SOX6: variants seen among roughly 807,000 people sequenced by gnomAD.
The protein encoded by SOX6 is SRY-box transcription factor 6.
Under a neutral mutation model 97.8 loss-of-function variants are expected in SOX6, and 11 were observed. The ratio of observed to expected loss-of-function variants is 0.11; its 90% CI spans 0.07 to 0.19. SOX6 has a LOEUF of 0.19. Among genes scored for constraint, SOX6 ranks in the 10% least tolerant of loss-of-function variants. The probability of loss-of-function intolerance (pLI) is 1.00; values close to 1 mark genes in which losing one functional copy is unlikely to be tolerated. For missense variants in SOX6, 810 were observed against 1,039.5 expected, an observed-to-expected ratio of 0.78 and a Z score of 3.04; for synonymous variants, 360 against 371.4, an observed-to-expected ratio of 0.97 and a Z score of 0.35.
chr11:16,424,170 A>C (rs1411896206), intron 1 of SOX6, among the ~76,000 whole-genome samples: 1 of 152,208 alleles, frequency 6.6e-6, no homozygotes, highest in Non-Finnish European at 1.5e-5. Flanking sequence ...AATAAAGACT[A>C]TTCTTTCAAG....
chr11:15,978,868 A>T (rs2119808586), intron 15 of SOX6, among the ~76,000 whole-genome samples: 1 of 137,014 alleles, frequency 7.3e-6, no homozygotes, highest in South Asian at 2.2e-4. Flanking sequence ...ATTATATATA[A>T]CATATAAGCA....
intron 3 of SOX6, among the ~76,000 whole-genome samples, chr11:16,693,322 G>A (rs1848030057): frequency 6.6e-6 from 1 of 151,974 alleles, no homozygotes; most frequent in Non-Finnish European, 1.5e-5. Context: ...TTTATCTTTG[G>A]TGGTGATTTG....
intron 13 of SOX6, among the ~76,000 whole-genome samples, chr11:16,007,909 T>G (rs2133853698): frequency 6.6e-6 from 1 of 152,230 alleles, no homozygotes; most frequent in Admixed American, 6.5e-5. Context: ...TGGGTTTAAT[T>G]TTCATGGTAG....
chr11:16,087,224 T>C lies in SOX6; in HGVS notation c.1101+8772A>G, dbSNP rs373640324. ...AAAGGCTATAAAATAGGTATGTGTT[T>C]ATACATGTATACATATATGTATGTA... On this transcript the variant is annotated intron_variant, in intron 9 of 15. Transcript: ENST00000683767. Among the ~76,000 whole-genome samples the C allele has an allele frequency of 1.4e-4, 22 of 152,310 alleles. 1 individual carries two copies. In the South Asian group the frequency reaches 4.3e-3, roughly 30 times the overall value.
intron 6 of SOX6, among the ~76,000 whole-genome samples, chr11:16,140,354 T>A (rs1431466382): frequency 6.6e-6 from 1 of 152,198 alleles, no homozygotes; most frequent in Non-Finnish European, 1.5e-5. Context: ...ATGTTCCTAC[T>A]TCCTTTTAAT....
chr11:15,992,262 CA>C, intron 13 of SOX6, among the ~76,000 whole-genome samples: 1 of 152,192 alleles, frequency 6.6e-6, no homozygotes, highest in South Asian at 2.1e-4. Flanking sequence ...TCAGATGAAC[CA>C]AGATTTGGGA....
chr11:15,989,146 C>T lies in SOX6; in HGVS notation c.1817G>A (p.Arg606Gln), dbSNP rs753434762. 5 of 1,614,158 alleles carry T rather than the reference C, an allele frequency of 3.1e-6. No individual in the cohort carries two copies. The highest frequency in any genetic ancestry group is 2.2e-5 in the South Asian group (2 of 91,074). ...PTGGATVAEA[R>Q]VYRDARGRAS... The stretch of plus-strand genomic sequence containing the variant: ...ACGGCCGCGGGCGTCCCTGTAGACT[C>T]GTGCTTCAGCCACAGTGGCACCTCC... Residue 606 changes from arginine to glutamine, a missense_variant, in exon 14 of 16, where the codon CGA becomes CAA. Physicochemically the swap from Arg to Gln is conservative, Grantham distance 43 (BLOSUM62 1). This residue lies in a region of SOX6 where 51 missense variants were observed against 145.7 expected (regional missense o/e 0.35). Transcript: ENST00000683767.
chr11:16,407,517 C>G (rs1590191710), intron 1 of SOX6, among the ~76,000 whole-genome samples: 1 of 152,098 alleles, frequency 6.6e-6, no homozygotes, highest in Non-Finnish European at 1.5e-5. Flanking sequence ...CTACATGTAG[C>G]TTTAGGGATA....
At chr11:16,530,780 T>C (rs140994607) in intron 4 of SOX6, among the ~76,000 whole-genome samples, 222 of 151,870 alleles carry the variant, frequency 1.5e-3, no homozygotes, top group Non-Finnish European at 2.5e-3. Context: ...TCTAATCTCC[T>C]AAGACACTGT....
chr11:16,286,283 G>A (rs889479376), intron 3 of SOX6, among the ~76,000 whole-genome samples: 5 of 151,996 alleles, frequency 3.3e-5, no homozygotes, highest in African/African-American at 1.2e-4. Context: ...AATGACTAAC[G>A]TCATTGCTTA....
intron 1 of SOX6, among the ~76,000 whole-genome samples, chr11:16,389,523 T>G (rs1858094971): frequency 6.6e-6 from 1 of 152,202 alleles, no homozygotes; most frequent in Non-Finnish European, 1.5e-5. Context: ...TTTTTAATAA[T>G]TTATCTCTCT....
intron 3 of SOX6, among the ~76,000 whole-genome samples, chr11:16,703,349 T>C (rs928010701): frequency 6.6e-6 from 1 of 152,220 alleles, no homozygotes; most frequent in Non-Finnish European, 1.5e-5. Context: ...GAATGTATAA[T>C]GTCTTGCCAT....
intron 4 of SOX6, among the ~76,000 whole-genome samples, chr11:16,551,483 G>C (rs1847685610): frequency 6.6e-6 from 1 of 152,040 alleles, no homozygotes; most frequent in Admixed American, 6.6e-5. Context: ...CAATCTACAA[G>C]TCACACATTT....
intron 3 of SOX6, among the ~76,000 whole-genome samples, chr11:16,684,064 G>A (rs578076225): frequency 1.3e-5 from 2 of 152,258 alleles, no homozygotes; most frequent in African/African-American, 4.8e-5. Flanking sequence ...TTAGAATGGT[G>A]ATCATTAAAA....
chr11:16,565,953 A>G (rs892820350), intron 4 of SOX6, among the ~76,000 whole-genome samples: 3 of 151,736 alleles, frequency 2.0e-5, no homozygotes, highest in African/African-American at 4.8e-5. Context: ...AAAATTAGTC[A>G]GGCGTGGTGA....
chr11:16,662,230 T>C (rs1320648571), intron 3 of SOX6, among the ~76,000 whole-genome samples: 1 of 152,202 alleles, frequency 6.6e-6, no homozygotes, highest in East Asian at 1.9e-4. Flanking sequence ...AGTTTTTGCT[T>C]GTCTGAGAAA....
At chr11:16,650,977 T>C (rs1847641448) in intron 3 of SOX6, among the ~76,000 whole-genome samples, 1 of 152,090 alleles carries the variant, frequency 6.6e-6, no homozygotes, top group Non-Finnish European at 1.5e-5. Flanking sequence ...CAAAAGATCA[T>C]TCAAGGCTAC....
At chr11:16,067,551 C>G (rs762670983) in intron 9 of SOX6, among the ~76,000 whole-genome samples, 15 of 152,132 alleles carry the variant, frequency 9.9e-5, no homozygotes, top group Non-Finnish European at 1.6e-4. Flanking sequence ...TCCATTAAAC[C>G]TCTTTTTCTT....
chr11:16,263,951 C>A (rs1428250634), intron 3 of SOX6, among the ~76,000 whole-genome samples: 2 of 151,710 alleles, frequency 1.3e-5, no homozygotes, highest in Non-Finnish European at 2.9e-5. Context: ...AATACTGGTC[C>A]AATGTTATTT....
Sources: gnomAD v4.1 joint callset for allele counts (sites outside exome capture counted in the v4.1 genomes callset) on GRCh38, gnomAD v4.1.1 for gene constraint, gnomAD v4.1.1 regional missense constraint, MANE v1.5 for transcripts, NCBI Gene and HGNC (gene_info 2026-07-23, HGNC 2026-07-21) for gene names.